The following SLC2A7 variants were observed in gnomAD, a reference collection of about 807,000 sequenced individuals.
SLC2A7 encodes the protein solute carrier family 2 member 7.
Under a neutral mutation model 50.5 loss-of-function variants are expected in SLC2A7, and 50 were observed. The observed-to-expected ratio is 0.99, with a 90% CI of 0.79 to 1.25. The LOEUF (loss-of-function observed/expected upper bound fraction) is 1.25, where lower values mean the gene tolerates loss of function less well. Among genes scored for constraint, SLC2A7 ranks in the 50% most tolerant of loss-of-function variants. The probability of loss-of-function intolerance (pLI) is 0.00; values close to 1 mark genes in which losing one functional copy is unlikely to be tolerated. For synonymous variants in SLC2A7, 308 were observed against 300.4 expected, an observed-to-expected ratio of 1.03 and a Z score of -0.26; for missense variants, 683 against 679.1, an observed-to-expected ratio of 1.01 and a Z score of -0.06.
intron 8 of SLC2A7, among the ~76,000 whole-genome samples, chr1:9,012,838 C>T (rs918998039): frequency 1.9e-4 from 29 of 152,134 alleles, no homozygotes; most frequent in African/African-American, 6.8e-4. Context: ...ATTGCAGTCA[C>T]CATAATGATT....
At position 9,008,460 on chromosome 1, in the gene SLC2A7, G is replaced by A. The variant is rs1225276615; in HGVS notation, c.1117-1075C>T. ...CATTTTCAGGCAGAGCCCCTGGTTG[G>A]ACAGAAGGAGTGAAAGAGCCACCGG... On this transcript the variant is annotated intron_variant, in intron 9 of 11. Transcript: ENST00000400906. This position sits in a 1 kb window ranked among gnomAD's most constrained non-coding sequence, Gnocchi z 5.9. Among the ~76,000 whole-genome samples the A allele has an allele frequency of 6.6e-6, 1 of 152,198 alleles. No individual in the cohort carries two copies. Among genetic ancestry groups the A allele is most frequent in the Non-Finnish European group, 1.5e-5 (1 of 68,032 alleles).
chr1:9,014,630 A>C, intron 7 of SLC2A7, 51 bp downstream of exon 7: 4 of 1,545,834 alleles, frequency 2.6e-6, no homozygotes, highest in Non-Finnish European at 3.5e-6. Flanking sequence ...GCTATCCATG[A>C]AGCCTGGGTC....
intron 11 of SLC2A7, among the ~76,000 whole-genome samples, chr1:9,004,331 T>TAA (rs761127530): frequency 2.5e-5 from 3 of 119,882 alleles, no homozygotes; most frequent in African/African-American, 1.0e-4. Flanking sequence ...AGGCCCTGTC[T>TAA]AAAAAAAAAA....
Position 9,014,849 on chromosome 1 carries a change from GC to G in SLC2A7, c.734del (p.Gly245AlafsTer79). The G allele has an allele frequency of 6.2e-7, 1 of 1,602,214 alleles. No homozygotes were observed. Among genetic ancestry groups the G allele is most frequent in the Non-Finnish European group, 8.5e-7 (1 of 1,175,258 alleles). On this transcript the variant is annotated frameshift_variant, in exon 7 of 12. Transcript: ENST00000400906. LOFTEE classifies it high-confidence loss of function. ...CCAGCTCGGCCTCCATGTCCGTGTG[GC>G]CTCTCAGCCTCCTCAGAGCTGCGGA... ...TARQALRRLR[G>X]HTDMEAELED... is the part of the protein sequence containing the mutation.
chr1:9,009,348 A>G (rs1372038273), intron 9 of SLC2A7, among the ~76,000 whole-genome samples: 1 of 152,258 alleles, frequency 6.6e-6, no homozygotes, highest in Non-Finnish European at 1.5e-5. Context: ...TCACTTCCGT[A>G]GAACGTGGAT....
chr1:9,020,023 TG>T (rs1557652482), intron 3 of SLC2A7, among the ~76,000 whole-genome samples: 1 of 152,230 alleles, frequency 6.6e-6, no homozygotes. Context: ...GCTGGTACCT[TG>T]ATCTTGAATT....
chr1:9,021,066 C>A (rs1478396663), intron 3 of SLC2A7, among the ~76,000 whole-genome samples: 1 of 152,138 alleles, frequency 6.6e-6, no homozygotes, highest in Non-Finnish European at 1.5e-5. Flanking sequence ...ATGTCTTTAT[C>A]AGCAGCGTGA....
Position 9,025,007 on chromosome 1 carries a change from T to C in SLC2A7, c.119A>G (p.Tyr40Cys), listed in dbSNP as rs1227111761. The C allele has an allele frequency of 1.2e-6, 2 of 1,613,360 alleles. No individual in the cohort carries two copies. Among genetic ancestry groups the C allele is most frequent in the Middle Eastern group, 1.7e-4 (1 of 6,060 alleles). ...AAFGSAFQYG[Y>C]NLSVVNTPHK... ...CGGCGTGTTGACCACAGAGAGGTTG[T>C]AGCCGTACTGGAAGGCTGAGCCAAA... Residue 40 changes from tyrosine (Y) to cysteine (C), a missense_variant, in exon 2 of 12, where the codon TAC (tyrosine) becomes TGC (cysteine). By Grantham distance (194) the Tyr-to-Cys change is radical. Transcript: ENST00000400906.
intron 3 of SLC2A7, among the ~76,000 whole-genome samples, chr1:9,020,973 G>A (rs116779129): frequency 3.3e-5 from 5 of 152,202 alleles, no homozygotes; most frequent in African/African-American, 9.6e-5. Context: ...TTTGCCTTCC[G>A]CCATGATTGT....
chr1:9,023,291 A>G (rs143662521), intron 2 of SLC2A7, among the ~76,000 whole-genome samples: 2 of 152,232 alleles, frequency 1.3e-5, no homozygotes, highest in Non-Finnish European at 2.9e-5. Flanking sequence ...GAACAAAAAG[A>G]TTGTTACAAA....
In SLC2A7 at chr1:9,026,195, C is replaced by T. The variant is rs553606628; in HGVS notation, c.51+100G>A. The stretch of plus-strand genomic sequence containing the variant: ...CTGAAGAAAAAGGAAGCACGCTACC[C>T]GCTCCTTGCTAAAAGCATTCCACGG... On this transcript the variant is annotated intron_variant, in intron 1 of 11. Transcript: ENST00000400906. 20 of 1,310,704 alleles carry T rather than the reference C, an allele frequency of 1.5e-5. No individual in the cohort carries two copies. In the South Asian group the frequency reaches 1.9e-4, roughly 12 times the overall value. 81.2% of individuals were successfully genotyped at this position (1,310,704 alleles called of 1,614,324 possible).
At chr1:9,009,023 G>A (rs12060786) in intron 9 of SLC2A7, among the ~76,000 whole-genome samples, 1 of 152,114 alleles carries the variant, frequency 6.6e-6, no homozygotes, top group South Asian at 2.1e-4. Context: ...TGGCCTCCTG[G>A]TCATTCCCTG....
chr1:8,993,375 A>G, the SLC2A7 span, among the ~76,000 whole-genome samples: 1 of 152,204 alleles, frequency 6.6e-6, no homozygotes, highest in African/African-American at 2.4e-5. Context: ...GCCTTTGAGC[A>G]TTTGTAAGCA....
rs1640596787 is a variant in SLC2A7, at chr1:9,002,979, A to T, written c.*321T>A. 6.6e-6 allele frequency among the ~76,000 whole-genome samples: 1 copy of T among 152,236 alleles called. No homozygotes were observed. Among genetic ancestry groups the T allele is most frequent in the Non-Finnish European group, 1.5e-5 (1 of 68,042 alleles). The stretch of plus-strand genomic sequence containing the variant: ...GCTCGGGTATCCATAGCAATTGTGG[A>T]ACTTGAAAAGTTTTACTTTAAAAAA... On this transcript the variant is annotated 3_prime_UTR_variant, in exon 12 of 12. Coordinates refer to ENST00000400906, the MANE Select transcript of SLC2A7 (RefSeq NM_207420.3).
At chr1:9,015,037 C>A in intron 6 of SLC2A7, 80 bp downstream of exon 6, 1 of 1,582,876 alleles carries the variant, frequency 6.3e-7, no homozygotes, top group Non-Finnish European at 8.6e-7. Flanking sequence ...CCCATGGCGA[C>A]CCTGACTGTG....
chr1:8,995,925 ACT>A, the SLC2A7 span, among the ~76,000 whole-genome samples: 1 of 151,494 alleles, frequency 6.6e-6, no homozygotes. Context: ...GTGCTATGAC[ACT>A]CTCCCAATTT....
At position 9,003,477 on chromosome 1, in the gene SLC2A7, G is replaced by C; in HGVS notation, c.1362C>G (p.Ile454Met). ...GAYSFIIFAGICLLTAIYIYV... is the reference protein window; with the variant it reads ...GAYSFIIFAGMCLLTAIYIYV... The stretch of plus-strand genomic sequence containing the variant: ...AGATGTAAATCGCAGTGAGGAGGCA[G>C]ATTCCGGCAAAGATGATGAAACTGT... Residue 454 changes from isoleucine (I) to methionine (M), a missense_variant, in exon 12 of 12, where the codon ATC becomes ATG. Coordinates refer to ENST00000400906, the MANE Select transcript of SLC2A7 (RefSeq NM_207420.3). 6.2e-7 allele frequency: 1 copy of C among 1,614,238 alleles called. No homozygotes were observed. The highest frequency in any genetic ancestry group is 8.5e-7 in the Non-Finnish European group (1 of 1,180,040).
chr1:8,999,282 C>A (rs956631058), downstream of SLC2A7, among the ~76,000 whole-genome samples: 3 of 152,162 alleles, frequency 2.0e-5, no homozygotes, highest in Non-Finnish European at 4.4e-5. Context: ...TAGGCATGAG[C>A]CACTGCACCC....
chr1:9,001,374 G>A (rs1030367897), downstream of SLC2A7, among the ~76,000 whole-genome samples: 1 of 151,548 alleles, frequency 6.6e-6, no homozygotes, highest in African/African-American at 2.4e-5. Context: ...AATCAGCCTA[G>A]GATTCCAGCA....
Sources: allele counts gnomAD v4.1 joint callset (sites outside exome capture counted in the v4.1 genomes callset), GRCh38; gene constraint gnomAD v4.1.1; non-coding constraint Gnocchi (gnomAD v3.1); transcripts MANE v1.5; gene names NCBI Gene and HGNC (gene_info 2026-07-23, HGNC 2026-07-21).